Variants in NIPBL observed in about 807,000 individuals in gnomAD.
NIPBL encodes nipped-B-like protein.
Under a neutral mutation model 321.8 loss-of-function variants are expected in NIPBL, and 19 were observed. The observed-to-expected ratio is 0.06, with a 90% CI of 0.04 to 0.09. The LOEUF (loss-of-function observed/expected upper bound fraction) is 0.09. NIPBL is among the 10% of genes least tolerant of loss of function. NIPBL has a pLI of 1.00. For missense variants in NIPBL, 2,210 were observed against 3,327.0 expected, an observed-to-expected ratio of 0.66 and a Z score of 8.26; for synonymous variants, 1,106 against 1,114.1, an observed-to-expected ratio of 0.99 and a Z score of 0.14.
chr5:37,039,009 C>G (rs944552266), intron 34 of NIPBL, among the ~76,000 whole-genome samples: 1 of 152,142 alleles, frequency 6.6e-6, no homozygotes, highest in Non-Finnish European at 1.5e-5. Context: ...ATGAATGAAG[C>G]AGAGTTCCTC....
Position 37,036,491 on chromosome 5 carries a change from A to G in NIPBL, c.5971+4A>G. On this transcript the variant is annotated splice_donor_region_variant and intron_variant, in intron 33 of 46. Transcript: ENST00000282516. The stretch of plus-strand genomic sequence containing the variant: ...AAATATGAGGAATCTCTAGCTGGTA[A>G]GACATTTTATATATATATTGATCTT... 1 of 1,211,002 alleles carries G rather than the reference A, an allele frequency of 8.3e-7. No homozygotes were observed. The highest frequency in any genetic ancestry group is 1.1e-6 in the Non-Finnish European group (1 of 869,906). 75.0% of individuals were successfully genotyped at this position (1,211,002 alleles called of 1,614,324 possible).
At chr5:37,059,957 A>AT (rs966972887) in intron 44 of NIPBL, among the ~76,000 whole-genome samples, 47 of 152,318 alleles carry the variant, frequency 3.1e-4, no homozygotes, top group African/African-American at 1.1e-3. Context: ...AATTTTGGTC[A>AT]TTTTTTACAT....
At chr5:37,033,727 TA>T (rs1392182445) in intron 32 of NIPBL, among the ~76,000 whole-genome samples, 8,658 of 69,184 alleles carry the variant, frequency 0.13, 923 homozygotes, top group Non-Finnish European at 0.18. Flanking sequence ...TATATATATA[TA>T]TATTTTTTTT....
rs979967040 is a variant in NIPBL at position 36,911,241 on chromosome 5, T to C, written c.-80+34063T>C. ...ACATTCTGAGATGGCATCCCACTTA[T>C]CACCTTTCTCCCTTTGAGAATCAGT... On this transcript the variant is annotated intron_variant, in intron 1 of 46. Coordinates refer to ENST00000282516, the MANE Select transcript of NIPBL (RefSeq NM_133433.4). Among the ~76,000 whole-genome samples, 4 of 152,240 alleles carry C rather than the reference T, an allele frequency of 2.6e-5. No homozygotes were observed. The South Asian group carries it at 6.2e-4, about 24-fold the overall frequency.
intron 4 of NIPBL, among the ~76,000 whole-genome samples, chr5:36,960,877 T>C (rs1315676481): frequency 2.6e-5 from 4 of 152,170 alleles, no homozygotes. Flanking sequence ...CAGGTTTTTA[T>C]TTTTTAATAA....
intron 42 of NIPBL, among the ~76,000 whole-genome samples, chr5:37,053,189 G>A (rs945137442): frequency 5.9e-5 from 9 of 152,132 alleles, no homozygotes; most frequent in African/African-American, 1.7e-4. Flanking sequence ...CCTAGATGTT[G>A]TAGCCTACCT....
intron 27 of NIPBL, among the ~76,000 whole-genome samples, chr5:37,021,675 C>T (rs1276760977): frequency 3.3e-5 from 5 of 152,124 alleles, no homozygotes; most frequent in Admixed American, 2.6e-4. Context: ...AGCGAGACTC[C>T]ATCCCAAAAA....
chr5:36,987,154 A>G (rs1009667308), intron 10 of NIPBL, among the ~76,000 whole-genome samples: 2 of 152,172 alleles, frequency 1.3e-5, no homozygotes, highest in African/African-American at 2.4e-5. Flanking sequence ...TGCTGGGATT[A>G]CAGGCGTGAG....
intron 1 of NIPBL, among the ~76,000 whole-genome samples, chr5:36,896,147 G>A (rs915869206): frequency 3.3e-5 from 5 of 152,250 alleles, no homozygotes; most frequent in Admixed American, 1.3e-4. Flanking sequence ...TATTATGTAC[G>A]TGTTTATCCA....
intron 9 of NIPBL, among the ~76,000 whole-genome samples, chr5:36,977,602 CTTTT>C (rs879884531): frequency 7.6e-6 from 1 of 131,614 alleles, no homozygotes; most frequent in Non-Finnish European, 1.7e-5. Flanking sequence ...TTTTCTTTGT[CTTTT>C]TTTTTTTTTA....
chr5:36,948,641 A>G (rs1457750985), intron 1 of NIPBL, among the ~76,000 whole-genome samples: 1 of 151,876 alleles, frequency 6.6e-6, no homozygotes, highest in Non-Finnish European at 1.5e-5. Context: ...TCATTGTACA[A>G]ATTTTGAAAA....
chr5:36,984,141 T>G (rs754611501), intron 9 of NIPBL, among the ~76,000 whole-genome samples: 60 of 152,088 alleles, frequency 3.9e-4, no homozygotes, highest in Admixed American at 6.6e-5. Context: ...TTAAATTCAT[T>G]TTTTCCCAAT....
At chr5:36,898,121 T>C (rs1746912515) in intron 1 of NIPBL, among the ~76,000 whole-genome samples, 1 of 152,192 alleles carries the variant, frequency 6.6e-6, no homozygotes, top group Non-Finnish European at 1.5e-5. Context: ...CCAAACTTAC[T>C]AGCAGTTAGA....
At chr5:36,906,813 A>G (rs1358375039) in intron 1 of NIPBL, among the ~76,000 whole-genome samples, 2 of 152,208 alleles carry the variant, frequency 1.3e-5, no homozygotes, top group Non-Finnish European at 2.9e-5. Context: ...AATATTTTCT[A>G]GAACTTTAAT....
chr5:36,941,718 A>C (rs901226533), intron 1 of NIPBL, among the ~76,000 whole-genome samples: 1 of 152,110 alleles, frequency 6.6e-6, no homozygotes, highest in African/African-American at 2.4e-5. Context: ...TTTCACAGTA[A>C]GTTTACTTTT....
chr5:36,975,266 C>A (rs889546495), intron 8 of NIPBL, among the ~76,000 whole-genome samples: 1 of 151,926 alleles, frequency 6.6e-6, no homozygotes, highest in African/African-American at 2.4e-5. Context: ...GTAAATTGAC[C>A]ACTTGCTTTT....
intron 1 of NIPBL, among the ~76,000 whole-genome samples, chr5:36,910,237 C>T (rs1297782071): frequency 6.6e-6 from 1 of 152,028 alleles, no homozygotes; most frequent in Non-Finnish European, 1.5e-5. Context: ...GGGAATAATA[C>T]TTCCTTTGTT....
intron 24 of NIPBL, among the ~76,000 whole-genome samples, chr5:37,018,564 TTGTAA>T (rs1467157783): frequency 6.6e-6 from 1 of 152,168 alleles, no homozygotes; most frequent in Non-Finnish European, 1.5e-5. Flanking sequence ...TGTTGGTGAA[TTGTAA>T]TGTAGAAACC....
At chr5:36,978,970 A>G (rs574766135) in intron 9 of NIPBL, among the ~76,000 whole-genome samples, 1 of 152,050 alleles carries the variant, frequency 6.6e-6, no homozygotes, top group Non-Finnish European at 1.5e-5. Context: ...TACCAGTACC[A>G]TGCTGTTTTG....
Sources: allele counts gnomAD v4.1 joint callset (sites outside exome capture counted in the v4.1 genomes callset), GRCh38; gene constraint gnomAD v4.1.1; transcripts MANE v1.5; gene names NCBI Gene and HGNC (gene_info 2026-07-23, HGNC 2026-07-21).